Variants in TMEM232 observed in about 807,000 individuals in gnomAD.
The protein encoded by TMEM232 is transmembrane protein 232.
A neutral mutation model predicts 78.8 loss-of-function variants in TMEM232; 80 were observed. That is an observed-to-expected ratio of 1.01 (90% confidence interval 0.85 to 1.22). The LOEUF (loss-of-function observed/expected upper bound fraction) is 1.22. Among genes scored for constraint, TMEM232 ranks in the 50% most tolerant of loss-of-function variants. TMEM232 has a pLI of 0.00. For missense variants in TMEM232, 881 were observed against 742.2 expected (o/e 1.19, Z -2.17); for synonymous variants, 297 against 254.3 (o/e 1.17, Z -1.60).
intron 12 of TMEM232, among the ~76,000 whole-genome samples, chr5:110,462,931 A>T (rs974781896): frequency 6.6e-6 from 1 of 152,198 alleles, no homozygotes; most frequent in Non-Finnish European, 1.5e-5. Flanking sequence ...TGAGCAAAAG[A>T]AATGGTTTCT....
intron 1 of TMEM232, among the ~76,000 whole-genome samples, chr5:110,674,786 T>C (rs1024236596): frequency 2.0e-5 from 3 of 152,170 alleles, no homozygotes; most frequent in East Asian, 1.9e-4. Flanking sequence ...TCAGCACTGG[T>C]TGACAATATG....
At chr5:110,736,433 C>T (rs555592610) in intron 1 of TMEM232, among the ~76,000 whole-genome samples, 13 of 152,170 alleles carry the variant, frequency 8.5e-5, no homozygotes, top group South Asian at 4.2e-4. Context: ...TATGCAAGCC[C>T]GTGCTCAGAC....
chr5:110,615,504 A>G (rs1462679164), intron 8 of TMEM232, among the ~76,000 whole-genome samples: 1 of 152,008 alleles, frequency 6.6e-6, no homozygotes, highest in South Asian at 2.1e-4. Context: ...AAGGTCATAC[A>G]TGGCAAGCCT....
intron 1 of TMEM232, among the ~76,000 whole-genome samples, chr5:110,697,473 C>T (rs1019158988): frequency 2.0e-5 from 3 of 152,144 alleles, no homozygotes; most frequent in African/African-American, 7.2e-5. Context: ...TGAAGAGCTT[C>T]TGCACAGCAG....
At chr5:110,707,949 T>C (rs1796105415) in intron 1 of TMEM232, among the ~76,000 whole-genome samples, 1 of 152,112 alleles carries the variant, frequency 6.6e-6, no homozygotes, top group Non-Finnish European at 1.5e-5. Context: ...AAGAACTCAG[T>C]CCTGGGAAGA....
intron 12 of TMEM232, among the ~76,000 whole-genome samples, chr5:110,506,257 T>C (rs1363866091): frequency 6.6e-6 from 1 of 152,234 alleles, no homozygotes; most frequent in Admixed American, 6.5e-5. Context: ...TTGTGTGTTT[T>C]GTTTTAGGGG....
intron 12 of TMEM232, among the ~76,000 whole-genome samples, chr5:110,459,985 A>T (rs954026470): frequency 1.3e-5 from 2 of 152,218 alleles, no homozygotes; most frequent in African/African-American, 4.8e-5. Flanking sequence ...CCACGAAGAA[A>T]GGTTGAGAAA....
chr5:110,620,917 T>G (rs111597967), intron 7 of TMEM232, among the ~76,000 whole-genome samples: 1 of 142,068 alleles, frequency 7.0e-6, no homozygotes, highest in Non-Finnish European at 1.5e-5. Flanking sequence ...GGCTGGAGTG[T>G]GATGGCGTGA....
At chr5:110,417,902 G>A (rs1052713217), downstream of TMEM232, 4 of 152,084 alleles carry the variant, frequency 2.6e-5, no homozygotes, top group African/African-American at 9.7e-5. Flanking sequence ...TGATAGTGTG[G>A]TTTCAGCAAG....
intron 12 of TMEM232, among the ~76,000 whole-genome samples, chr5:110,462,703 T>C (rs1265104450): frequency 1.3e-5 from 2 of 152,164 alleles, no homozygotes; most frequent in African/African-American, 4.8e-5. Context: ...CATCTTGTGA[T>C]AATATGAGTC....
At chr5:110,557,422 T>A (rs1775223156) in intron 11 of TMEM232, among the ~76,000 whole-genome samples, 1 of 152,140 alleles carries the variant, frequency 6.6e-6, no homozygotes. Context: ...AGAGCTAGTG[T>A]GGTAATTTGG....
intron 10 of TMEM232, among the ~76,000 whole-genome samples, chr5:110,604,727 C>T (rs190579179): frequency 1.3e-4 from 20 of 152,132 alleles, no homozygotes; most frequent in East Asian, 3.9e-4. Flanking sequence ...GGAAGGCAAA[C>T]GTGGTGGATC....
chr5:110,561,898 A>T (rs1775792382), intron 11 of TMEM232, among the ~76,000 whole-genome samples: 1 of 151,950 alleles, frequency 6.6e-6, no homozygotes, highest in African/African-American at 2.4e-5. Flanking sequence ...GAGAGGGAAG[A>T]CCCCAATGTG....
intron 10 of TMEM232, among the ~76,000 whole-genome samples, chr5:110,585,121 A>C (rs1778656902): frequency 6.6e-6 from 1 of 152,106 alleles, no homozygotes; most frequent in South Asian, 2.1e-4. Flanking sequence ...CTTCTTCTTA[A>C]GTAGGTGAAG....
chr5:110,572,147 T>A (rs1777024533), intron 10 of TMEM232, among the ~76,000 whole-genome samples: 1 of 151,820 alleles, frequency 6.6e-6, no homozygotes, highest in Non-Finnish European at 1.5e-5. Context: ...TAAAACCACT[T>A]GAAGAAATGA....
At chr5:110,545,705 A>G (rs867604567) in intron 11 of TMEM232, among the ~76,000 whole-genome samples, 1 of 152,162 alleles carries the variant, frequency 6.6e-6, no homozygotes, top group Admixed American at 6.5e-5. Flanking sequence ...ATTTTGTTTT[A>G]AAGATTGCAC....
At chr5:110,638,733 T>C (rs1238611613) in intron 4 of TMEM232, among the ~76,000 whole-genome samples, 1 of 152,002 alleles carries the variant, frequency 6.6e-6, no homozygotes, top group East Asian at 1.9e-4. Context: ...GAAACAGAAG[T>C]CACCAAGGTC....
At chr5:110,452,629 C>T (rs1318839910) in intron 12 of TMEM232, among the ~76,000 whole-genome samples, 3 of 152,040 alleles carry the variant, frequency 2.0e-5, no homozygotes, top group Admixed American at 2.0e-4. Context: ...TAAAAAAAGA[C>T]AGCCATAAAA....
chr5:110,419,318 G>C (rs983256741), downstream of TMEM232, among the ~76,000 whole-genome samples: 8 of 152,064 alleles, frequency 5.3e-5, no homozygotes, highest in African/African-American at 1.4e-4. Context: ...ACATAAGTTT[G>C]AATTAGCTAT....
Sources: allele counts gnomAD v4.1 joint callset (sites outside exome capture counted in the v4.1 genomes callset), GRCh38; gene constraint gnomAD v4.1.1; transcripts MANE v1.5; gene names NCBI Gene and HGNC (gene_info 2026-07-23, HGNC 2026-07-21).